The following SEMA5A variants were observed in gnomAD, a reference collection of about 807,000 sequenced individuals.
SEMA5A encodes semaphorin-5A.
A neutral mutation model predicts 135.5 loss-of-function variants in SEMA5A; 55 were observed. The ratio of observed to expected loss-of-function variants is 0.41; its 90% confidence interval spans 0.33 to 0.51. SEMA5A has a LOEUF of 0.51. SEMA5A is among the 20% of genes least tolerant of loss of function. The pLI is 0.37. For missense variants in SEMA5A, 1,290 were observed against 1,419.9 expected, an observed-to-expected ratio of 0.91 and a Z score of 1.47; for synonymous variants, 580 against 546.5, an observed-to-expected ratio of 1.06 and a Z score of -0.85.
chr5:9,480,599 G>A (rs1042369243), intron 1 of SEMA5A, among the ~76,000 whole-genome samples: 5 of 152,136 alleles, frequency 3.3e-5, no homozygotes, highest in Non-Finnish European at 7.4e-5. Flanking sequence ...CAGGAAAATT[G>A]TACCTCACAA....
chr5:9,154,627 T>C lies in SEMA5A; in HGVS notation c.1342A>G (p.Ile448Val). 1 of 1,614,036 alleles carries C rather than the reference T, an allele frequency of 6.2e-7. No individual in the cohort carries two copies. The highest frequency in any genetic ancestry group is 8.5e-7 in the Non-Finnish European group (1 of 1,180,004). Reference protein sequence around the residue: ...QTSSSCLLEEIELFPERRREP... With the variant: ...QTSSSCLLEEVELFPERRREP... ...CTCCGCCTCTCAGGGAAGAGCTCAA[T>C]CTCTTCCAGCAAACAGCTGCTTGAG... The change falls in exon 12 of 23, where the codon ATT becomes GTT. Residue 448 changes from isoleucine (I) to valine (V), a missense_variant. By Grantham distance (29) the Ile-to-Val change is conservative. This residue lies in a region of SEMA5A where 1,029 missense variants were observed against 1,086.6 expected (regional missense o/e 0.95). Coordinates refer to ENST00000382496, the MANE Select transcript of SEMA5A (RefSeq NM_003966.3).
chr5:9,359,578 T>C (rs887095220), intron 3 of SEMA5A, among the ~76,000 whole-genome samples: 5 of 152,182 alleles, frequency 3.3e-5, no homozygotes, highest in Non-Finnish European at 7.4e-5. Flanking sequence ...AGTCAGTCCT[T>C]CCTTTCCTGA....
At chr5:9,323,763 G>T (rs1752739793) in intron 4 of SEMA5A, among the ~76,000 whole-genome samples, 1 of 145,540 alleles carries the variant, frequency 6.9e-6, no homozygotes, top group Non-Finnish European at 1.5e-5. Flanking sequence ...CTGGGTTCAT[G>T]CAATTCTCCT....
chr5:9,385,793 GC>G (rs1755859353), intron 2 of SEMA5A, among the ~76,000 whole-genome samples: 1 of 89,086 alleles, frequency 1.1e-5, no homozygotes, highest in Non-Finnish European at 2.3e-5. Flanking sequence ...GTTGGAAAGC[GC>G]TTTTTTTTTT....
chr5:9,265,380 T>C (rs1321553575), intron 5 of SEMA5A: 1 of 455,546 alleles, frequency 2.2e-6, no homozygotes. Flanking sequence ...CCAGACCATA[T>C]AATTTATCTA....
At chr5:9,440,386 A>G (rs1758190354) in intron 1 of SEMA5A, among the ~76,000 whole-genome samples, 1 of 152,170 alleles carries the variant, frequency 6.6e-6, no homozygotes, top group Non-Finnish European at 1.5e-5. Context: ...TTAATAAGAA[A>G]CTGCTTATTT....
intron 18 of SEMA5A, among the ~76,000 whole-genome samples, chr5:9,058,016 G>A (rs549767823): frequency 1.3e-5 from 2 of 152,160 alleles, no homozygotes; most frequent in Non-Finnish European, 2.9e-5. Flanking sequence ...ACAACCTGGT[G>A]GGGAAGTAGA....
At chr5:9,266,102 C>T (rs1749671201) in intron 5 of SEMA5A, among the ~76,000 whole-genome samples, 1 of 152,192 alleles carries the variant, frequency 6.6e-6, no homozygotes, top group Non-Finnish European at 1.5e-5. Flanking sequence ...GTATGAGCTC[C>T]AAATACTGCT....
intron 11 of SEMA5A, among the ~76,000 whole-genome samples, chr5:9,169,056 C>T (rs922704168): frequency 3.9e-5 from 6 of 152,062 alleles, no homozygotes; most frequent in Non-Finnish European, 8.8e-5. Flanking sequence ...ATGAAAAAAT[C>T]CTGGGGGTCT....
chr5:9,375,514 C>T (rs904372625), intron 3 of SEMA5A, among the ~76,000 whole-genome samples: 2 of 151,090 alleles, frequency 1.3e-5, no homozygotes, highest in African/African-American at 4.9e-5. Flanking sequence ...CTAGAGACTT[C>T]AGAGAGAACA....
At chr5:9,474,598 G>A (rs1160992285) in intron 1 of SEMA5A, among the ~76,000 whole-genome samples, 2 of 152,188 alleles carry the variant, frequency 1.3e-5, no homozygotes, top group African/African-American at 4.8e-5. Context: ...CACGTGCAAG[G>A]CACAGCGGCA....
intron 4 of SEMA5A, among the ~76,000 whole-genome samples, chr5:9,319,016 GA>G (rs1348438567): frequency 1.3e-5 from 2 of 151,848 alleles, no homozygotes; most frequent in African/African-American, 4.8e-5. Context: ...AGGCTCCTGG[GA>G]ACCATGGCAA....
intron 16 of SEMA5A, among the ~76,000 whole-genome samples, chr5:9,107,628 C>G (rs1739993967): frequency 6.6e-6 from 1 of 152,104 alleles, no homozygotes; most frequent in South Asian, 2.1e-4. Context: ...TATGTGAATA[C>G]TTAATTCACG....
intron 1 of SEMA5A, among the ~76,000 whole-genome samples, chr5:9,442,432 G>T (rs999720406): frequency 6.6e-6 from 1 of 152,154 alleles, no homozygotes; most frequent in African/African-American, 2.4e-5. Context: ...GCCTCTCCTG[G>T]ACTCCAGCTA....
intron 4 of SEMA5A, among the ~76,000 whole-genome samples, chr5:9,330,860 A>C (rs970467216): frequency 6.6e-6 from 1 of 152,188 alleles, no homozygotes; most frequent in Non-Finnish European, 1.5e-5. Flanking sequence ...GTTCATAAAG[A>C]TTTGATTGGA....
At chr5:9,446,354 A>T (rs1758433410) in intron 1 of SEMA5A, among the ~76,000 whole-genome samples, 1 of 152,184 alleles carries the variant, frequency 6.6e-6, no homozygotes, top group African/African-American at 2.4e-5. Context: ...CTTCTTTATT[A>T]AAGCAAACAG....
chr5:9,267,166 C>T (rs1034856010), intron 5 of SEMA5A, among the ~76,000 whole-genome samples: 2 of 151,464 alleles, frequency 1.3e-5, no homozygotes, highest in African/African-American at 2.4e-5. Context: ...CTGATGTTCA[C>T]ATTCAGAAAA....
At chr5:9,271,804 A>G (rs1749987859) in intron 5 of SEMA5A, among the ~76,000 whole-genome samples, 1 of 152,118 alleles carries the variant, frequency 6.6e-6, no homozygotes, top group East Asian at 1.9e-4. Flanking sequence ...AAGGGAAGCC[A>G]TTAGGGATTG....
chr5:9,541,871 T>C (rs900244127), intron 1 of SEMA5A, among the ~76,000 whole-genome samples: 3 of 152,196 alleles, frequency 2.0e-5, no homozygotes, highest in Admixed American at 1.3e-4. Flanking sequence ...TCCTTAGCTA[T>C]ACAACCTTTT....
Sources: allele counts gnomAD v4.1 joint callset (sites outside exome capture counted in the v4.1 genomes callset), GRCh38; gene constraint gnomAD v4.1.1; regional missense constraint gnomAD v4.1.1; transcripts MANE v1.5; gene names NCBI Gene and HGNC (gene_info 2026-07-23, HGNC 2026-07-21).